PDE9A: variants seen among roughly 807,000 people sequenced by gnomAD.
PDE9A encodes phosphodiesterase 9A.
In PDE9A, 60 loss-of-function variants were observed where a neutral mutation model predicts 87.4. The ratio of observed to expected loss-of-function variants is 0.69; its 90% CI spans 0.56 to 0.85. The LOEUF (loss-of-function observed/expected upper bound fraction) is 0.85. PDE9A is among the 40% of genes least tolerant of loss of function. The probability of loss-of-function intolerance (pLI) is 0.00; values close to 1 mark genes in which losing one functional copy is unlikely to be tolerated. For synonymous variants in PDE9A, 272 were observed against 279.4 expected, an observed-to-expected ratio of 0.97 and a Z score of 0.27; for missense variants, 665 against 779.0, an observed-to-expected ratio of 0.85 and a Z score of 1.74.
intron 3 of PDE9A, chr21:42,689,849 G>C: frequency 1.0e-6 from 1 of 985,408 alleles, no homozygotes; most frequent in Non-Finnish European, 1.2e-6. Flanking sequence ...CAGTGGACGT[G>C]GACAGGGGAG....
chr21:42,662,210 T>G (rs761077109), intron 1 of PDE9A, among the ~76,000 whole-genome samples: 8 of 152,118 alleles, frequency 5.3e-5, no homozygotes, highest in Non-Finnish European at 1.0e-4. Context: ...CAGTGCCTGG[T>G]GGAGACCCGG....
chr21:42,731,513 C>A (rs538664242), intron 4 of PDE9A, among the ~76,000 whole-genome samples: 115 of 152,270 alleles, frequency 7.6e-4, no homozygotes, highest in African/African-American at 2.7e-3. Flanking sequence ...GGAAGACAAG[C>A]AGGTTCCATT....
chr21:42,716,161 T>C (rs983109497), intron 4 of PDE9A, among the ~76,000 whole-genome samples: 11 of 151,888 alleles, frequency 7.2e-5, no homozygotes, highest in Non-Finnish European at 1.5e-5. Context: ...TGCTTCCAGG[T>C]TTGGGCAGTT....
At chr21:42,745,987 C>G (rs953512790) in intron 8 of PDE9A, among the ~76,000 whole-genome samples, 5 of 152,230 alleles carry the variant, frequency 3.3e-5, no homozygotes, top group African/African-American at 1.2e-4. Flanking sequence ...AGCTCCTCAC[C>G]CACAACTGTG....
intron 17 of PDE9A, among the ~76,000 whole-genome samples, chr21:42,770,493 A>G (rs1443243999): frequency 3.3e-5 from 5 of 152,148 alleles, no homozygotes; most frequent in Non-Finnish European, 2.9e-5. Context: ...AGGAGGCAGG[A>G]AGGGGACTTT....
chr21:42,670,222 C>A (rs893280934), intron 1 of PDE9A, among the ~76,000 whole-genome samples: 2 of 114,668 alleles, frequency 1.7e-5, no homozygotes, highest in African/African-American at 1.1e-4. Flanking sequence ...CATTCACACA[C>A]ATACACTTAC....
chr21:42,761,100 G>C (rs2055713292), intron 13 of PDE9A, among the ~76,000 whole-genome samples, 193 bp downstream of exon 13: 1 of 152,174 alleles, frequency 6.6e-6, no homozygotes, highest in African/African-American at 2.4e-5. Flanking sequence ...CCCCGGAGTA[G>C]GAACTTTCAG....
At chr21:42,768,366 G>T in intron 16 of PDE9A, 74 bp downstream of exon 16, 1 of 1,095,422 alleles carries the variant, frequency 9.1e-7, no homozygotes, top group South Asian at 1.3e-5. Context: ...TGCGTTAAAC[G>T]AGCACGCCTG....
At position 42,725,708 on chromosome 21, in the gene PDE9A, G is replaced by A. The variant is rs114476809; in HGVS notation, c.263-6062G>A. Among the ~76,000 whole-genome samples, 1,148 of 152,212 alleles carry A rather than the reference G, an allele frequency of 7.5e-3. 9 individuals carry two copies. Among genetic ancestry groups the A allele is most frequent in the African/African-American group, 0.026 (1,084 of 41,514 alleles). Reference sequence around the variant, plus strand: ...CCCTTCTTTCTGAGTCATACTCCGCGGTATGGATGGACCACGGTTGGTTCA... The same window carrying A: ...CCCTTCTTTCTGAGTCATACTCCGCAGTATGGATGGACCACGGTTGGTTCA... On this transcript the variant is annotated intron_variant, in intron 4 of 19. Coordinates refer to ENST00000291539, the MANE Select transcript of PDE9A (RefSeq NM_002606.3).
intron 9 of PDE9A, among the ~76,000 whole-genome samples, chr21:42,753,343 T>C (rs62213432): frequency 0.048 from 7,323 of 152,268 alleles, 206 homozygotes; most frequent in Middle Eastern, 0.068. Context: ...GAGGTCTAAT[T>C]TACATGCAGT....
chr21:42,767,881 G>A (rs769474001), intron 15 of PDE9A, among the ~76,000 whole-genome samples: 4 of 152,220 alleles, frequency 2.6e-5, no homozygotes, highest in Non-Finnish European at 5.9e-5. Context: ...CTGGGAAGAT[G>A]AGCAATGCAC....
chr21:42,741,898 A>G (rs1329086447), intron 7 of PDE9A: 1 of 152,194 alleles, frequency 6.6e-6, no homozygotes, highest in Non-Finnish European at 1.5e-5. Flanking sequence ...TCAGAGCCAA[A>G]CTTCATGAAA....
In PDE9A at chr21:42,684,565, A is replaced by G. The variant is rs531656340; in HGVS notation, c.70-1627A>G. The stretch of plus-strand genomic sequence containing the variant: ...TTGGGAGAAGCAGCCTCTGCAGGCG[A>G]GGCCAGGAACCAGGACACAGGAGGA... On this transcript the variant is annotated intron_variant, in intron 1 of 19. Coordinates refer to ENST00000291539, the MANE Select transcript of PDE9A (RefSeq NM_002606.3). Among the ~76,000 whole-genome samples, 7 of 152,346 alleles carry G rather than the reference A, an allele frequency of 4.6e-5. No homozygotes were observed. In the East Asian group the frequency reaches 1.3e-3, roughly 29 times the overall value.
Position 42,760,188 on chromosome 21 carries a change from C to A in PDE9A, c.898-140C>A. ...TCACCTCATTGGTACCTGTGGTAAA[C>A]CTGGAACACTGTTGACCTCTGGTTG... On this transcript the variant is annotated intron_variant, in intron 11 of 19. Coordinates refer to ENST00000291539, the MANE Select transcript of PDE9A (RefSeq NM_002606.3). The surrounding 1 kb of genome is among the most constrained non-coding windows in gnomAD (Gnocchi z 5.2). The A allele has an allele frequency of 1.6e-6, 1 of 638,458 alleles. No individual in the cohort carries two copies. Among genetic ancestry groups the A allele is most frequent in the South Asian group, 1.7e-5 (1 of 57,484 alleles). 39.5% of individuals were successfully genotyped at this position (638,458 alleles called of 1,614,324 possible).
chr21:42,772,060 G>A (rs1382661793), intron 18 of PDE9A, among the ~76,000 whole-genome samples: 1 of 151,880 alleles, frequency 6.6e-6, no homozygotes, highest in Non-Finnish European at 1.5e-5. Flanking sequence ...CTGCTGCCCA[G>A]TAGGGGATAG....
Position 42,759,403 on chromosome 21 carries a change from G to A in PDE9A, c.897+318G>A, listed in dbSNP as rs933909922. On this transcript the variant is annotated intron_variant, in intron 11 of 19. Coordinates refer to ENST00000291539, the MANE Select transcript of PDE9A (RefSeq NM_002606.3). The surrounding 1 kb of genome is among the most constrained non-coding windows in gnomAD (Gnocchi z 7.2). ...GGAGCGTGTGTGTGTGTGTGGGAGC[G>A]TGTGTGTGTGTGAGAGTGAGTATGG... Among the ~76,000 whole-genome samples, 4 of 146,500 alleles carry A rather than the reference G, an allele frequency of 2.7e-5. No individual in the cohort carries two copies. The highest frequency in any genetic ancestry group is 4.2e-4 in the South Asian group (2 of 4,738).
rs778925099 is a variant in PDE9A, at chr21:42,768,223, T to C, written c.1392T>C (p.Ser464=). 1.6e-5 allele frequency: 25 copies of C among 1,609,152 alleles called. No individual in the cohort carries two copies. The African/African-American group carries it at 2.5e-4, about 16-fold the overall frequency. The change falls in exon 16 of 20, where the codon TCT becomes TCC. Residue 464 remains serine (S), a synonymous_variant. Transcript: ENST00000291539. ...KMILIKCCDI[S]NEVRPMEVAE... is the part of the protein sequence containing the mutation. Reference sequence around the variant, plus strand: ...TTTTGATAAAATGCTGTGATATCTCTAACGAGGTCCGTCCAATGGAAGTCG... The same window carrying C: ...TTTTGATAAAATGCTGTGATATCTCCAACGAGGTCCGTCCAATGGAAGTCG...
chr21:42,740,085 A>C (rs184811738), intron 7 of PDE9A, among the ~76,000 whole-genome samples: 1 of 152,340 alleles, frequency 6.6e-6, no homozygotes, highest in African/African-American at 2.4e-5. Context: ...TAGAAGCTAG[A>C]TAGATACATA....
intron 8 of PDE9A, among the ~76,000 whole-genome samples, chr21:42,748,071 G>A (rs2054050658): frequency 6.6e-6 from 1 of 152,214 alleles, no homozygotes; most frequent in South Asian, 2.1e-4. Flanking sequence ...GAAACAGCGG[G>A]ATTCGAACAG....
Sources: allele counts gnomAD v4.1 joint callset (sites outside exome capture counted in the v4.1 genomes callset), GRCh38; gene constraint gnomAD v4.1.1; non-coding constraint Gnocchi (gnomAD v3.1); transcripts MANE v1.5; gene names NCBI Gene and HGNC (gene_info 2026-07-23, HGNC 2026-07-21).